Variants in UHRF2 observed in about 807,000 individuals in gnomAD.
The protein encoded by UHRF2 is ubiquitin like with PHD and ring finger domains 2.
Under a neutral mutation model 96.8 loss-of-function variants are expected in UHRF2, and 23 were observed. That is an observed-to-expected ratio of 0.24 (90% CI 0.17 to 0.34). The LOEUF is 0.34. UHRF2 is among the 10% of genes least tolerant of loss of function. The pLI, the probability that UHRF2 is intolerant of heterozygous loss-of-function variation, is 1.00. For missense variants in UHRF2, 685 were observed against 981.5 expected (o/e 0.70, Z 4.04); for synonymous variants, 385 against 332.6 (o/e 1.16, Z -1.72).
At chr9:6,480,028 A>T (rs1362308256) in intron 6 of UHRF2, among the ~76,000 whole-genome samples, 1 of 152,186 alleles carries the variant, frequency 6.6e-6, no homozygotes, top group African/African-American at 2.4e-5. Context: ...TTCACTTAGA[A>T]TAAAAAAAAT....
intron 3 of UHRF2, among the ~76,000 whole-genome samples, chr9:6,439,035 C>G (rs571584704): frequency 2.6e-5 from 4 of 152,262 alleles, no homozygotes; most frequent in Admixed American, 2.6e-4. Context: ...TAATTTATCT[C>G]CACTATTCCT....
chr9:6,452,161 T>C lies in UHRF2; in HGVS notation c.645-8412T>C, dbSNP rs193151230. ...TTTCTTTTTTATAGGAGCACAATAT[T>C]CTATTATGTACCTGTATTATGTTAT... is the stretch of plus-strand genomic sequence containing the variant. On this transcript the variant is annotated intron_variant, in intron 3 of 15. Transcript: ENST00000276893. Among the ~76,000 whole-genome samples, 18 of 152,294 alleles carry C rather than the reference T, an allele frequency of 1.2e-4. No homozygotes were observed. The East Asian group carries it at 3.5e-3, about 29-fold the overall frequency.
At chr9:6,479,619 T>C (rs1267098717) in intron 6 of UHRF2, among the ~76,000 whole-genome samples, 2 of 152,234 alleles carry the variant, frequency 1.3e-5, no homozygotes, top group Non-Finnish European at 2.9e-5. Flanking sequence ...CTGGGCTTTA[T>C]ATTCCTGTAT....
At chr9:6,423,396 A>G (rs1820049332) in intron 2 of UHRF2, among the ~76,000 whole-genome samples, 1 of 152,196 alleles carries the variant, frequency 6.6e-6, no homozygotes, top group Admixed American at 6.5e-5. Flanking sequence ...ATTGACATAA[A>G]ACCTAAGTTC....
chr9:6,433,303 C>T (rs1001397857), intron 2 of UHRF2, among the ~76,000 whole-genome samples: 3 of 152,152 alleles, frequency 2.0e-5, no homozygotes, highest in Non-Finnish European at 4.4e-5. Context: ...TTGTGTCTTA[C>T]GCCCTGTTCA....
rs1304790603 is a variant in UHRF2, at chr9:6,424,925, G to A, written c.384+3783G>A. ...AAGACCGCAGAGGTATTTTCATCAC[G>A]TATATAGGGCACATACTATCAGTAT... On this transcript the variant is annotated intron_variant, in intron 2 of 15. Transcript: ENST00000276893. Among the ~76,000 whole-genome samples the A allele has an allele frequency of 3.3e-5, 5 of 152,018 alleles. No homozygotes were observed. In the South Asian group the frequency reaches 8.3e-4, roughly 25 times the overall value.
At chr9:6,427,622 T>C (rs1587772777) in intron 2 of UHRF2, among the ~76,000 whole-genome samples, 1 of 151,894 alleles carries the variant, frequency 6.6e-6, no homozygotes, top group African/African-American at 2.4e-5. Flanking sequence ...GAGGTGGAGG[T>C]TTCAGTGAGC....
chr9:6,430,881 G>C (rs1820529180), intron 2 of UHRF2, among the ~76,000 whole-genome samples: 1 of 152,100 alleles, frequency 6.6e-6, no homozygotes, highest in African/African-American at 2.4e-5. Context: ...AGTGGCATTG[G>C]CTTCTCCATG....
rs1825179785 is a variant in UHRF2 at position 6,499,882 on chromosome 9, A to T, written c.1956A>T (p.Gly652=). ...PSDKEGKKPK[G]QSKKQPSGTT... is the part of the protein sequence containing the mutation. ...ATAAAGAAGGGAAGAAGCCTAAAGG[A>T]CAGTCAAAGAAGCAGCCCAGTGGAA... Residue 652 remains glycine (G), a synonymous_variant, in exon 13 of 16, where the codon GGA becomes GGT. Transcript: ENST00000276893. 1 of 1,610,546 alleles carries T rather than the reference A, an allele frequency of 6.2e-7. No homozygotes were observed. Among genetic ancestry groups the T allele is most frequent in the African/African-American group, 1.3e-5 (1 of 74,880 alleles).
chr9:6,503,231 A>G (rs1816394216), intron 14 of UHRF2, among the ~76,000 whole-genome samples: 2 of 152,150 alleles, frequency 1.3e-5, no homozygotes, highest in African/African-American at 2.4e-5. Context: ...CCTGACCTCA[A>G]ATGATCCACC....
intron 3 of UHRF2, among the ~76,000 whole-genome samples, chr9:6,440,694 G>A (rs868408180): frequency 2.0e-5 from 3 of 152,172 alleles, no homozygotes; most frequent in African/African-American, 4.8e-5. Context: ...ATTTGGCTGC[G>A]AAAATCTTTA....
At chr9:6,503,594 A>G (rs951678544) in intron 14 of UHRF2, among the ~76,000 whole-genome samples, 6 of 152,204 alleles carry the variant, frequency 3.9e-5, no homozygotes, top group Admixed American at 3.9e-4. Context: ...GAATAATCCT[A>G]GGAAAATAAA....
At chr9:6,426,466 A>C (rs1820266648) in intron 2 of UHRF2, among the ~76,000 whole-genome samples, 1 of 152,192 alleles carries the variant, frequency 6.6e-6, no homozygotes, top group Non-Finnish European at 1.5e-5. Context: ...TACAATAATA[A>C]ATTTAGAGCT....
intron 1 of UHRF2, among the ~76,000 whole-genome samples, chr9:6,417,734 G>T (rs542913888): frequency 3.3e-5 from 5 of 152,330 alleles, no homozygotes; most frequent in African/African-American, 1.2e-4. Context: ...TACTGTGGAT[G>T]TAACTTATAG....
chr9:6,459,994 G>GT (rs1248902975), intron 3 of UHRF2, among the ~76,000 whole-genome samples: 1 of 152,054 alleles, frequency 6.6e-6, no homozygotes, highest in Non-Finnish European at 1.5e-5. Context: ...CAAAACTTGG[G>GT]TTAAAAAAAT....
intron 2 of UHRF2, among the ~76,000 whole-genome samples, chr9:6,421,665 C>T (rs1030445181): frequency 2.0e-5 from 3 of 152,116 alleles, no homozygotes; most frequent in Admixed American, 2.0e-4. Flanking sequence ...GGTCCGCCCA[C>T]CTCAGCCTCC....
chr9:6,448,220 G>T (rs1821635639), intron 3 of UHRF2, among the ~76,000 whole-genome samples: 1 of 152,164 alleles, frequency 6.6e-6, no homozygotes, highest in Non-Finnish European at 1.5e-5. Flanking sequence ...AACTGTGTAG[G>T]AATGTAGATA....
chr9:6,488,476 C>G (rs986265032), intron 9 of UHRF2, among the ~76,000 whole-genome samples: 2 of 149,898 alleles, frequency 1.3e-5, no homozygotes, highest in African/African-American at 4.9e-5. Context: ...CTACACCTAT[C>G]AGACGTAGCC....
chr9:6,496,332 T>G (rs1252322847), intron 10 of UHRF2: 1 of 152,222 alleles, frequency 6.6e-6, no homozygotes, highest in Admixed American at 6.5e-5. Flanking sequence ...ATGCTAATTT[T>G]AAACTGATTC....
Sources: gnomAD v4.1 joint callset for allele counts (sites outside exome capture counted in the v4.1 genomes callset) on GRCh38, gnomAD v4.1.1 for gene constraint, MANE v1.5 for transcripts, NCBI Gene and HGNC (gene_info 2026-07-23, HGNC 2026-07-21) for gene names.